Variants in CDK14 observed in about 807,000 individuals in gnomAD.
The protein encoded by CDK14 is cyclin-dependent kinase 14.
In CDK14, 34 loss-of-function variants were observed where a neutral mutation model predicts 60.7. That is an observed-to-expected ratio of 0.56 (90% confidence interval 0.43 to 0.75). The LOEUF (loss-of-function observed/expected upper bound fraction) is 0.75, where lower values mean the gene tolerates loss of function less well. Ranked by LOEUF, CDK14 falls within the 30% of genes least tolerant of loss-of-function variation. The pLI is 0.00. For missense variants in CDK14, 482 were observed against 564.1 expected (o/e 0.85, Z 1.47); for synonymous variants, 197 against 203.7 (o/e 0.97, Z 0.28).
At chr7:90,946,734 G>A (rs1794113267) in intron 8 of CDK14, among the ~76,000 whole-genome samples, 1 of 152,080 alleles carries the variant, frequency 6.6e-6, no homozygotes, top group African/African-American at 2.4e-5. Flanking sequence ...TTTATTACAT[G>A]CCCTTTAGAT....
At chr7:91,169,164 A>G (rs1801437963) in intron 14 of CDK14, among the ~76,000 whole-genome samples, 1 of 152,244 alleles carries the variant, frequency 6.6e-6, no homozygotes, top group Non-Finnish European at 1.5e-5. Context: ...AACAGAACAC[A>G]GTAAAATCTA....
At position 90,957,550 on chromosome 7, in the gene CDK14, C is replaced by T. The variant is rs201520556; in HGVS notation, c.947+1733C>T. 0.015 allele frequency among the ~76,000 whole-genome samples: 2,220 copies of T among 151,908 alleles called. 117 individuals are homozygous for T. In the East Asian group the frequency reaches 0.17, roughly 12 times the overall value. ...TACAAAAATCACAAGCATTCTTATA[C>T]ACCAACAACAGACAAACAGAGAGCC... On this transcript the variant is annotated intron_variant, in intron 9 of 14. Transcript: ENST00000380050.
chr7:90,920,938 A>G (rs543617096), intron 8 of CDK14, among the ~76,000 whole-genome samples: 16 of 150,616 alleles, frequency 1.1e-4, no homozygotes, highest in Non-Finnish European at 2.1e-4. Context: ...TGCTGTAACT[A>G]TTTTTTTTTT....
intron 3 of CDK14, among the ~76,000 whole-genome samples, chr7:90,742,224 G>C (rs1246217128): frequency 2.6e-5 from 4 of 152,012 alleles, no homozygotes; most frequent in Middle Eastern, 3.4e-3. Flanking sequence ...GTAGCCCTTA[G>C]AAGATTGTAT....
intron 2 of CDK14, among the ~76,000 whole-genome samples, chr7:90,696,140 G>A (rs1563047811): frequency 6.6e-6 from 1 of 152,144 alleles, no homozygotes; most frequent in Non-Finnish European, 1.5e-5. Context: ...GTTCTGAAAG[G>A]AGAGCCAAGG....
At chr7:90,903,297 GAT>G (rs957198085) in intron 7 of CDK14, among the ~76,000 whole-genome samples, 15 of 152,072 alleles carry the variant, frequency 9.9e-5, no homozygotes, top group African/African-American at 3.6e-4. Flanking sequence ...CAATAGCAAA[GAT>G]ATGGAATCAA....
At chr7:90,817,329 A>T (rs1789390814) in intron 5 of CDK14, among the ~76,000 whole-genome samples, 1 of 152,162 alleles carries the variant, frequency 6.6e-6, no homozygotes, top group Non-Finnish European at 1.5e-5. Context: ...CGAATTGATA[A>T]TCGTACTTTT....
At chr7:90,731,135 G>A (rs1423797947) in intron 3 of CDK14, among the ~76,000 whole-genome samples, 1 of 151,956 alleles carries the variant, frequency 6.6e-6, no homozygotes, top group African/African-American at 2.4e-5. Flanking sequence ...CTTTGTTTTT[G>A]TCAGGTTTGT....
At chr7:90,779,956 C>G (rs4728934) in intron 4 of CDK14, among the ~76,000 whole-genome samples, 7 of 152,026 alleles carry the variant, frequency 4.6e-5, no homozygotes, top group Admixed American at 2.0e-4. Context: ...CCCTACCATG[C>G]CTTTTTTCCC....
chr7:90,781,923 C>G (rs1041005323), intron 4 of CDK14, among the ~76,000 whole-genome samples: 1 of 151,928 alleles, frequency 6.6e-6, no homozygotes, highest in African/African-American at 2.4e-5. Flanking sequence ...TCCATATGAA[C>G]TTTAAAGTAG....
chr7:90,933,404 C>CT (rs368442815), intron 8 of CDK14, among the ~76,000 whole-genome samples: 1 of 152,090 alleles, frequency 6.6e-6, no homozygotes, highest in African/African-American at 2.4e-5. Context: ...ATAAGGAAGC[C>CT]TTATTGGTTG....
At chr7:90,658,040 G>A (rs1033324238) in intron 2 of CDK14, among the ~76,000 whole-genome samples, 1 of 151,986 alleles carries the variant, frequency 6.6e-6, no homozygotes, top group African/African-American at 2.4e-5. Context: ...TTATAATTAG[G>A]TTGAGGTTTC....
At position 90,613,692 on chromosome 7, in the gene CDK14, T is replaced by TA. The variant is rs999324328; in HGVS notation, c.123+9453dup. Among the ~76,000 whole-genome samples the TA allele has an allele frequency of 9.9e-3, 1,459 of 147,374 alleles. 19 individuals are homozygous for TA. The highest frequency in any genetic ancestry group is 0.032 in the African/African-American group (1,278 of 40,264). On this transcript the variant is annotated intron_variant, in intron 2 of 14. Transcript: ENST00000380050. ...ACAGAGCGAGACTCTGTCTCAAAAA[T>TA]AAAAAAAAAATAAAAAAAGACGCTG...
intron 12 of CDK14, among the ~76,000 whole-genome samples, chr7:91,081,074 A>C (rs1410223741): frequency 6.6e-6 from 1 of 152,236 alleles, no homozygotes; most frequent in African/African-American, 2.4e-5. Flanking sequence ...AGAAACACTA[A>C]GTAATAAAAT....
At chr7:90,989,007 T>TGTGTGTGTGC (rs1258139406) in intron 10 of CDK14, among the ~76,000 whole-genome samples, 1 of 151,464 alleles carries the variant, frequency 6.6e-6, no homozygotes, top group Admixed American at 6.6e-5. Flanking sequence ...TGTGAGTGTG[T>TGTGTGTGTGC]GTGTGTGTGT....
intron 14 of CDK14, among the ~76,000 whole-genome samples, chr7:91,150,840 A>G (rs1269918207): frequency 6.6e-6 from 1 of 152,210 alleles, no homozygotes; most frequent in Non-Finnish European, 1.5e-5. Flanking sequence ...CTCTTTAAAG[A>G]ACATTAAAAT....
rs571825463 is a variant in CDK14 at position 91,023,267 on chromosome 7, G to C, written c.1042-22630G>C. Among the ~76,000 whole-genome samples the C allele has an allele frequency of 2.0e-5, 3 of 152,224 alleles. No individual in the cohort carries two copies. In the East Asian group the frequency reaches 5.8e-4, roughly 29 times the overall value. On this transcript the variant is annotated intron_variant, in intron 10 of 14. Transcript: ENST00000380050. Reference sequence around the variant, plus strand: ...TAATAAATGCATTACTGTTCCTGCTGCTCTGTAAATGTGTTTTCTGTATCC... The same window carrying C: ...TAATAAATGCATTACTGTTCCTGCTCCTCTGTAAATGTGTTTTCTGTATCC...
At chr7:91,100,915 T>C (rs1458918531) in intron 12 of CDK14, among the ~76,000 whole-genome samples, 1 of 152,222 alleles carries the variant, frequency 6.6e-6, no homozygotes, top group Non-Finnish European at 1.5e-5. Context: ...CTTTCTGTAC[T>C]TTTCCATCAG....
chr7:90,779,848 TA>T (rs1471979141), intron 4 of CDK14, among the ~76,000 whole-genome samples: 4 of 152,228 alleles, frequency 2.6e-5, no homozygotes, highest in Admixed American at 6.5e-5. Flanking sequence ...ATATCAACTA[TA>T]CAGTATTAAA....
Sources: allele counts gnomAD v4.1 joint callset (sites outside exome capture counted in the v4.1 genomes callset), GRCh38; gene constraint gnomAD v4.1.1; transcripts MANE v1.5; gene names NCBI Gene and HGNC (gene_info 2026-07-23, HGNC 2026-07-21).